SLC60A2: variants seen among roughly 807,000 people sequenced by gnomAD.
SLC60A2 encodes the protein major facilitator superfamily domain containing 4B.
the SLC60A2 span, chr6:111,268,253 G>T: frequency 6.6e-6 from 1 of 152,168 alleles, no homozygotes. Context: ...ATTACCTGAA[G>T]AATATATTTT....
At chr6:111,274,006 C>A in the SLC60A2 span, among the ~76,000 whole-genome samples, 1 of 150,564 alleles carries the variant, frequency 6.6e-6, no homozygotes, top group East Asian at 1.9e-4. Flanking sequence ...AGGCATGAGC[C>A]ACTGTACCTA....
At chr6:111,269,013 C>A in the SLC60A2 span, 1 of 152,130 alleles carries the variant, frequency 6.6e-6, no homozygotes, top group Non-Finnish European at 1.5e-5. Flanking sequence ...GGCTTGCTTT[C>A]TCTTACTTAA....
chr6:111,264,549 G>A, the SLC60A2 span, among the ~76,000 whole-genome samples: 4 of 152,132 alleles, frequency 2.6e-5, no homozygotes, highest in Non-Finnish European at 4.4e-5. Context: ...AGCACTTTGG[G>A]AGGCCGAGAT....
the SLC60A2 span, among the ~76,000 whole-genome samples, chr6:111,264,352 A>G: frequency 6.6e-6 from 1 of 152,182 alleles, no homozygotes; most frequent in Non-Finnish European, 1.5e-5. Context: ...GCATAGAAGC[A>G]GCAATCCAAC....
chr6:111,260,930 G>C, the SLC60A2 span, among the ~76,000 whole-genome samples: 1 of 152,218 alleles, frequency 6.6e-6, no homozygotes, highest in Non-Finnish European at 1.5e-5. Flanking sequence ...GGACTGTTAC[G>C]AGTTGGGCAG....
At chr6:111,260,496 T>A in the SLC60A2 span, among the ~76,000 whole-genome samples, 1 of 152,226 alleles carries the variant, frequency 6.6e-6, no homozygotes, top group Non-Finnish European at 1.5e-5. Context: ...ATCCTATTTA[T>A]TAATAAAACC....
the SLC60A2 span, among the ~76,000 whole-genome samples, chr6:111,276,476 A>G: frequency 1.3e-5 from 2 of 152,246 alleles, no homozygotes; most frequent in African/African-American, 4.8e-5. Context: ...AGTAGCACCC[A>G]TGTACTGAAT....
At chr6:111,273,326 G>C in the SLC60A2 span, among the ~76,000 whole-genome samples, 1 of 151,896 alleles carries the variant, frequency 6.6e-6, no homozygotes, top group East Asian at 1.9e-4. Context: ...ATTTTCTATT[G>C]TAGAGATGGG....
At chr6:111,263,812 G>A in the SLC60A2 span, 2 of 1,373,122 alleles carry the variant, frequency 1.5e-6, no homozygotes, top group Non-Finnish European at 2.1e-6. Context: ...TTTTATAGCT[G>A]AGTTTCTACC....
the SLC60A2 span, chr6:111,266,018 C>G: frequency 6.2e-7 from 1 of 1,614,174 alleles, no homozygotes; most frequent in Non-Finnish European, 8.5e-7. Flanking sequence ...CTGCTGAAAA[C>G]CACACAGAGT....
chr6:111,271,639 TC>T, the SLC60A2 span, among the ~76,000 whole-genome samples: 1 of 151,846 alleles, frequency 6.6e-6, no homozygotes, highest in South Asian at 2.1e-4. Context: ...GATAGCTTTC[TC>T]ATGTCCAGAA....
chr6:111,266,849 C>T, the SLC60A2 span: 1 of 1,613,932 alleles, frequency 6.2e-7, no homozygotes, highest in South Asian at 1.1e-5. Flanking sequence ...AAGCTCTGCT[C>T]TCTAGCTCCG....
the SLC60A2 span, among the ~76,000 whole-genome samples, chr6:111,264,737 G>C: frequency 3.4e-5 from 5 of 147,226 alleles, no homozygotes; most frequent in African/African-American, 1.3e-4. Context: ...GCAGTGAGCA[G>C]AGATCACACC....
At chr6:111,260,283 GCT>G in the SLC60A2 span, among the ~76,000 whole-genome samples, 1 of 152,298 alleles carries the variant, frequency 6.6e-6, no homozygotes, top group Admixed American at 6.5e-5. Context: ...TTTGGCCGCT[GCT>G]CTCCGCACCC....
chr6:111,265,156 C>A, the SLC60A2 span: 2 of 390,782 alleles, frequency 5.1e-6, no homozygotes, highest in Non-Finnish European at 7.0e-6. Context: ...CCCCTCCCTT[C>A]CCTGCTTTGC....
chr6:111,269,201 T>C, the SLC60A2 span: 3 of 152,118 alleles, frequency 2.0e-5, no homozygotes. Flanking sequence ...TTATTTTTAT[T>C]TATTTATTAG....
chr6:111,277,749 C>G, the SLC60A2 span, among the ~76,000 whole-genome samples: 1,812 of 152,220 alleles, frequency 0.012, 24 homozygotes, highest in South Asian at 0.061. Context: ...TAGTACTTGT[C>G]TATGTCTTTG....
the SLC60A2 span, chr6:111,270,412 A>T: frequency 2.4e-4 from 36 of 152,308 alleles, no homozygotes; most frequent in African/African-American, 8.2e-4. Flanking sequence ...GCAGGACATG[A>T]TGGCTCACAC....
At chr6:111,261,590 A>C in the SLC60A2 span, among the ~76,000 whole-genome samples, 9 of 151,992 alleles carry the variant, frequency 5.9e-5, no homozygotes, top group South Asian at 1.9e-3. Flanking sequence ...GACTTAATTT[A>C]ATTAATTAAT....
Sources: allele counts gnomAD v4.1 joint callset (sites outside exome capture counted in the v4.1 genomes callset), GRCh38; gene constraint gnomAD v4.1.1; transcripts MANE v1.5; gene names NCBI Gene and HGNC (gene_info 2026-07-23, HGNC 2026-07-21).